Variants in KCNIP4 observed in about 807,000 individuals in gnomAD.
The protein encoded by KCNIP4 is potassium voltage-gated channel interacting protein 4.
Under a neutral mutation model 34.0 loss-of-function variants are expected in KCNIP4, and 12 were observed. The ratio of observed to expected loss-of-function variants is 0.35; its 90% CI spans 0.23 to 0.57. The LOEUF (loss-of-function observed/expected upper bound fraction) is 0.57, where lower values mean the gene tolerates loss of function less well. Ranked by LOEUF, KCNIP4 falls within the 20% of genes least tolerant of loss-of-function variation. The pLI is 0.83. For synonymous variants in KCNIP4, 124 were observed against 102.2 expected (o/e 1.21, Z -1.29); for missense variants, 238 against 311.7 (o/e 0.76, Z 1.78).
intron 1 of KCNIP4, among the ~76,000 whole-genome samples, chr4:20,911,770 A>C (rs887021789): frequency 2.0e-5 from 3 of 152,168 alleles, no homozygotes; most frequent in African/African-American, 7.2e-5. Context: ...ACATTCTAAC[A>C]TTTTTTATTC....
chr4:21,252,909 T>G (rs1326937911), intron 1 of KCNIP4, among the ~76,000 whole-genome samples: 3 of 152,098 alleles, frequency 2.0e-5, no homozygotes, highest in Non-Finnish European at 4.4e-5. Context: ...ACACTTAACC[T>G]CTCAGCATTT....
chr4:20,895,277 A>G (rs1330817611), intron 1 of KCNIP4, among the ~76,000 whole-genome samples: 1 of 152,174 alleles, frequency 6.6e-6, no homozygotes, highest in Admixed American at 6.5e-5. Context: ...TAGTCCTGAG[A>G]GCATGGTGTC....
intron 1 of KCNIP4, among the ~76,000 whole-genome samples, chr4:21,246,182 C>T (rs2109062257): frequency 6.6e-6 from 1 of 151,882 alleles, no homozygotes; most frequent in Non-Finnish European, 1.5e-5. Flanking sequence ...AATGTGGAGG[C>T]CAACAGAGCA....
At chr4:20,850,832 C>T (rs780805196) in intron 2 of KCNIP4, 165 bp from the exon 3 acceptor site, 22 of 636,582 alleles carry the variant, frequency 3.5e-5, no homozygotes, top group East Asian at 5.9e-5. Flanking sequence ...CCAGTTTAAG[C>T]GTATTAAGCT....
chr4:21,367,510 G>A (rs560925329), intron 1 of KCNIP4, among the ~76,000 whole-genome samples: 43 of 130,926 alleles, frequency 3.3e-4, no homozygotes, highest in Non-Finnish European at 5.4e-4. Flanking sequence ...AGCTTGAAAG[G>A]AAGATCAAAA....
At chr4:20,780,404 G>A (rs1241581675) in intron 3 of KCNIP4, among the ~76,000 whole-genome samples, 1 of 152,116 alleles carries the variant, frequency 6.6e-6, no homozygotes, top group Non-Finnish European at 1.5e-5. Context: ...TCAACTCCAT[G>A]GATATTACTG....
At chr4:21,647,135 T>C (rs1747080023) in intron 1 of KCNIP4, among the ~76,000 whole-genome samples, 1 of 152,072 alleles carries the variant, frequency 6.6e-6, no homozygotes, top group Non-Finnish European at 1.5e-5. Flanking sequence ...AATATATCTT[T>C]TAATCTAATT....
At chr4:20,994,245 T>C (rs1443703029) in intron 1 of KCNIP4, among the ~76,000 whole-genome samples, 2 of 152,138 alleles carry the variant, frequency 1.3e-5, no homozygotes, top group African/African-American at 4.8e-5. Flanking sequence ...ATAGATGTAA[T>C]ATATTAGTTA....
At chr4:21,395,265 T>C (rs576176132) in intron 1 of KCNIP4, among the ~76,000 whole-genome samples, 1 of 152,118 alleles carries the variant, frequency 6.6e-6, no homozygotes, top group Admixed American at 6.6e-5. Context: ...TACCACAGAT[T>C]CCCTCTTGGG....
intron 1 of KCNIP4, among the ~76,000 whole-genome samples, chr4:21,049,893 A>T (rs1391843892): frequency 1.3e-5 from 2 of 152,168 alleles, no homozygotes; most frequent in Non-Finnish European, 2.9e-5. Context: ...CCAATCTTTC[A>T]CTTTAGCTGT....
intron 1 of KCNIP4, among the ~76,000 whole-genome samples, chr4:20,970,126 A>T (rs1359928426): frequency 6.6e-6 from 1 of 151,942 alleles, no homozygotes; most frequent in Non-Finnish European, 1.5e-5. Flanking sequence ...TATTTTTAGT[A>T]AATACGGGGT....
intron 1 of KCNIP4, among the ~76,000 whole-genome samples, chr4:21,880,470 T>C (rs1726398818): frequency 6.6e-6 from 1 of 152,140 alleles, no homozygotes. Flanking sequence ...AATCTGAAAA[T>C]TGAAAAGCCA....
intron 2 of KCNIP4, among the ~76,000 whole-genome samples, chr4:20,881,571 T>A (rs556089917): frequency 1.3e-5 from 2 of 152,318 alleles, no homozygotes; most frequent in East Asian, 3.9e-4. Context: ...CAATGTATAT[T>A]CTAAGTTATA....
intron 1 of KCNIP4, among the ~76,000 whole-genome samples, chr4:21,152,035 T>C (rs1173989120): frequency 1.3e-5 from 2 of 152,104 alleles, no homozygotes; most frequent in African/African-American, 4.8e-5. Context: ...GGCAGATCAC[T>C]TGAGGTCAGC....
At chr4:21,118,660 G>A (rs941454044) in intron 1 of KCNIP4, among the ~76,000 whole-genome samples, 3 of 152,148 alleles carry the variant, frequency 2.0e-5, no homozygotes, top group Admixed American at 6.5e-5. Flanking sequence ...GCAAGTGGGT[G>A]GTGGGGGGTG....
At chr4:21,510,834 T>C (rs1416856426) in intron 1 of KCNIP4, among the ~76,000 whole-genome samples, 2 of 151,638 alleles carry the variant, frequency 1.3e-5, no homozygotes, top group African/African-American at 4.8e-5. Flanking sequence ...CCGGCCAACA[T>C]GATGAAACCC....
At chr4:21,034,667 T>A (rs1741300539) in intron 1 of KCNIP4, among the ~76,000 whole-genome samples, 1 of 152,208 alleles carries the variant, frequency 6.6e-6, no homozygotes, top group African/African-American at 2.4e-5. Flanking sequence ...GGCCCATTAA[T>A]TTTCAAGGCT....
At chr4:21,298,176 A>G (rs368622620) in intron 1 of KCNIP4, among the ~76,000 whole-genome samples, 6 of 152,234 alleles carry the variant, frequency 3.9e-5, no homozygotes, top group African/African-American at 1.2e-4. Flanking sequence ...ACAGGTTCTC[A>G]ACTAAGGTAA....
At chr4:21,622,938 T>A (rs1399156991) in intron 1 of KCNIP4, among the ~76,000 whole-genome samples, 1 of 150,442 alleles carries the variant, frequency 6.6e-6, no homozygotes, top group African/African-American at 2.4e-5. Flanking sequence ...TCAAATACAA[T>A]AGGTGAAAAT....
Sources: allele counts gnomAD v4.1 joint callset (sites outside exome capture counted in the v4.1 genomes callset), GRCh38; gene constraint gnomAD v4.1.1; transcripts MANE v1.5; gene names NCBI Gene and HGNC (gene_info 2026-07-23, HGNC 2026-07-21).